The following USP10 variants were observed in gnomAD, a reference collection of about 807,000 sequenced individuals.
USP10 encodes ubiquitin carboxyl-terminal hydrolase 10.
A neutral mutation model predicts 84.5 loss-of-function variants in USP10; 22 were observed. The ratio of observed to expected loss-of-function variants is 0.26; its 90% CI spans 0.19 to 0.37. The LOEUF is 0.37. USP10 is among the 10% of genes least tolerant of loss of function. The pLI, the probability that USP10 is intolerant of heterozygous loss-of-function variation, is 1.00. For synonymous variants in USP10, 454 were observed against 387.6 expected (o/e 1.17, Z -2.01); for missense variants, 1,019 against 998.9 (o/e 1.02, Z -0.27).
chr16:84,778,797 A>T lies in USP10; in HGVS notation c.2210-98A>T, dbSNP rs1299807188. 16 of 1,219,832 alleles carry T rather than the reference A, an allele frequency of 1.3e-5. No individual in the cohort carries two copies. The Admixed American group carries it at 2.8e-4, about 22-fold the overall frequency. 75.6% of individuals were successfully genotyped at this position (1,219,832 alleles called of 1,614,324 possible). ...CCCACCTGCTTTGGAGAGGGGTTTT[A>T]CACATAGGATGCATCCCTGGAGGGA... On this transcript the variant is annotated intron_variant, in intron 13 of 13. Transcript: ENST00000219473.
intron 1 of USP10, among the ~76,000 whole-genome samples, chr16:84,723,997 A>G (rs988221474): frequency 6.6e-6 from 1 of 152,204 alleles, no homozygotes; most frequent in African/African-American, 2.4e-5. Flanking sequence ...GGTGATTGTA[A>G]TGAATATGAA....
At chr16:84,714,932 A>ATTT (rs61139585) in intron 1 of USP10, among the ~76,000 whole-genome samples, 16 of 140,462 alleles carry the variant, frequency 1.1e-4, no homozygotes, top group East Asian at 1.0e-3. Flanking sequence ...TATTATTATT[A>ATTT]TTATTTTTTT....
intron 1 of USP10, among the ~76,000 whole-genome samples, chr16:84,728,056 G>A (rs1472750198): frequency 6.6e-6 from 1 of 152,172 alleles, no homozygotes; most frequent in African/African-American, 2.4e-5. Context: ...TTTTTGAACA[G>A]CAGTTTCTCC....
intron 11 of USP10, among the ~76,000 whole-genome samples, chr16:84,768,732 CAG>C (rs892765328): frequency 6.6e-6 from 1 of 152,190 alleles, no homozygotes; most frequent in Non-Finnish European, 1.5e-5. Context: ...GTTAGGATGT[CAG>C]AGAGATTCCA....
intron 4 of USP10, among the ~76,000 whole-genome samples, chr16:84,752,825 G>C (rs1912091011): frequency 6.6e-6 from 1 of 152,202 alleles, no homozygotes; most frequent in African/African-American, 2.4e-5. Context: ...GGAAGGCTTA[G>C]TGTACGTGTG....
intron 4 of USP10, among the ~76,000 whole-genome samples, chr16:84,750,285 G>A (rs1044847594): frequency 1.3e-5 from 2 of 151,784 alleles, no homozygotes; most frequent in East Asian, 1.9e-4. Context: ...GCTCATGGCT[G>A]TAATCCTAGC....
intron 6 of USP10, 75 bp downstream of exon 6, chr16:84,759,547 T>A: frequency 1.5e-6 from 2 of 1,362,730 alleles, no homozygotes; most frequent in Non-Finnish European, 2.1e-6. Context: ...AATAGTTTAG[T>A]AAAGCTCTTG....
intron 4 of USP10, among the ~76,000 whole-genome samples, chr16:84,747,369 A>G (rs1241025128): frequency 3.9e-5 from 6 of 152,142 alleles, no homozygotes; most frequent in African/African-American, 1.4e-4. Flanking sequence ...AAAAAATAAA[A>G]CACATTCTTT....
intron 4 of USP10, among the ~76,000 whole-genome samples, chr16:84,752,969 A>T (rs1230532546): frequency 6.7e-6 from 1 of 149,584 alleles, no homozygotes; most frequent in African/African-American, 2.5e-5. Context: ...TTAAAAACGT[A>T]TTTTTTTTTT....
intron 13 of USP10, among the ~76,000 whole-genome samples, chr16:84,776,289 G>A (rs1183780462): frequency 1.3e-5 from 2 of 152,100 alleles, no homozygotes; most frequent in Non-Finnish European, 2.9e-5. Context: ...AGGGATGGGG[G>A]CCCAGGGGTG....
intron 1 of USP10, among the ~76,000 whole-genome samples, chr16:84,703,786 T>C (rs887514797): frequency 3.3e-5 from 5 of 152,158 alleles, no homozygotes; most frequent in Admixed American, 6.5e-5. Context: ...CTTAGTGGTT[T>C]GTACAGATGG....
intron 12 of USP10, among the ~76,000 whole-genome samples, chr16:84,773,850 G>A (rs1023504486): frequency 1.3e-5 from 2 of 152,168 alleles, no homozygotes; most frequent in African/African-American, 4.8e-5. Flanking sequence ...CAGATCAGCT[G>A]TCTGAGCTGA....
At chr16:84,767,203 T>C (rs760352695) in intron 10 of USP10, among the ~76,000 whole-genome samples, 1 of 152,138 alleles carries the variant, frequency 6.6e-6, no homozygotes, top group Non-Finnish European at 1.5e-5. Context: ...ACACCCATTT[T>C]ATTCCGTTGA....
At chr16:84,775,037 T>G in intron 12 of USP10, 123 bp from the exon 13 acceptor site, 2 of 812,392 alleles carry the variant, frequency 2.5e-6, no homozygotes, top group Non-Finnish European at 4.2e-6. Context: ...GGATAGAGTG[T>G]TGTTTTGTTC....
chr16:84,704,649 T>G, intron 1 of USP10: 1 of 1,419,274 alleles, frequency 7.0e-7, no homozygotes, highest in Middle Eastern at 1.9e-4. Flanking sequence ...GTTTCAAGGA[T>G]CAGAAAATGT....
chr16:84,762,616 G>A (rs1006339799), intron 8 of USP10, among the ~76,000 whole-genome samples: 5 of 151,930 alleles, frequency 3.3e-5, no homozygotes, highest in African/African-American at 7.3e-5. Flanking sequence ...GCTTGAACCC[G>A]GGAGCTGGAG....
chr16:84,702,347 A>G (rs1008287456), intron 1 of USP10, among the ~76,000 whole-genome samples: 4 of 152,032 alleles, frequency 2.6e-5, no homozygotes, highest in Non-Finnish European at 4.4e-5. Flanking sequence ...GTGAGCCACT[A>G]CTGCGCCTGG....
intron 8 of USP10, among the ~76,000 whole-genome samples, chr16:84,762,584 G>A (rs1048016344): frequency 3.9e-5 from 6 of 151,964 alleles, no homozygotes; most frequent in Admixed American, 6.5e-5. Flanking sequence ...CCAGCTACTC[G>A]GGAGGCTGAG....
chr16:84,761,902 G>A (rs867934743), intron 8 of USP10, among the ~76,000 whole-genome samples: 2 of 152,262 alleles, frequency 1.3e-5, no homozygotes, highest in East Asian at 1.9e-4. Context: ...GGCTGTGCCA[G>A]TTTTTGCCCT....
Sources: gnomAD v4.1 joint callset for allele counts (sites outside exome capture counted in the v4.1 genomes callset) on GRCh38, gnomAD v4.1.1 for gene constraint, MANE v1.5 for transcripts, NCBI Gene and HGNC (gene_info 2026-07-23, HGNC 2026-07-21) for gene names.